The following ATP8A2 variants were observed in gnomAD, a reference collection of about 807,000 sequenced individuals.
ATP8A2 encodes phospholipid-transporting ATPase IB.
ATP8A2 carries 100 observed loss-of-function variants against 165.6 expected under a neutral mutation model. The observed-to-expected ratio is 0.60, with a 90% CI of 0.51 to 0.71. The LOEUF is 0.71. Ranked by LOEUF, ATP8A2 falls within the 30% of genes least tolerant of loss-of-function variation. The pLI is 0.00. For missense variants in ATP8A2, 1,227 were observed against 1,479.5 expected (o/e 0.83, Z 2.80); for synonymous variants, 543 against 548.8 (o/e 0.99, Z 0.15).
At chr13:25,699,957 A>G (rs1284100178) in intron 25 of ATP8A2, among the ~76,000 whole-genome samples, 1 of 152,116 alleles carries the variant, frequency 6.6e-6, no homozygotes. Flanking sequence ...TAAAGACAGT[A>G]AACCACTAGA....
At chr13:25,697,834 A>G (rs369126491) in intron 24 of ATP8A2, among the ~76,000 whole-genome samples, 2 of 152,248 alleles carry the variant, frequency 1.3e-5, no homozygotes, top group East Asian at 1.9e-4. Flanking sequence ...TCATCTGACC[A>G]CAATGCAGGG....
chr13:25,602,933 A>G (rs977732001), intron 24 of ATP8A2, among the ~76,000 whole-genome samples: 1 of 151,982 alleles, frequency 6.6e-6, no homozygotes, highest in African/African-American at 2.4e-5. Flanking sequence ...TTAGCCAGGC[A>G]TGGGGGGGTG....
At chr13:25,454,777 C>G (rs1484782559) in intron 1 of ATP8A2, among the ~76,000 whole-genome samples, 1 of 152,072 alleles carries the variant, frequency 6.6e-6, no homozygotes, top group East Asian at 1.9e-4. Context: ...CAAAAATTGG[C>G]CAGGCGTGAT....
At chr13:25,551,877 C>G in intron 11 of ATP8A2, among the ~76,000 whole-genome samples, 1 of 151,872 alleles carries the variant, frequency 6.6e-6, no homozygotes, top group Non-Finnish European at 1.5e-5. Flanking sequence ...TTGGTGCTGT[C>G]ATTGTTATAT....
chr13:25,396,339 A>T (rs931013750), intron 1 of ATP8A2, among the ~76,000 whole-genome samples: 2 of 152,186 alleles, frequency 1.3e-5, no homozygotes, highest in African/African-American at 4.8e-5. Context: ...AGAAAGAGGA[A>T]AAGTTAGAGT....
At chr13:25,675,929 C>T (rs2042363058) in intron 24 of ATP8A2, among the ~76,000 whole-genome samples, 2 of 152,136 alleles carry the variant, frequency 1.3e-5, no homozygotes, top group Admixed American at 1.3e-4. Context: ...ATTATTTTTA[C>T]AATCATATAT....
At chr13:25,959,818 T>G (rs916684288) in intron 33 of ATP8A2, among the ~76,000 whole-genome samples, 3 of 152,380 alleles carry the variant, frequency 2.0e-5, no homozygotes, top group African/African-American at 7.2e-5. Context: ...AGACTAGCAC[T>G]CTTGTGAATA....
chr13:25,716,536 G>A (rs902118496), intron 25 of ATP8A2, among the ~76,000 whole-genome samples: 1 of 152,070 alleles, frequency 6.6e-6, no homozygotes, highest in Admixed American at 6.5e-5. Context: ...TTTTGCACAT[G>A]GATATTCAGT....
chr13:25,572,397 C>T (rs1593559194), intron 18 of ATP8A2, among the ~76,000 whole-genome samples: 4 of 152,318 alleles, frequency 2.6e-5, no homozygotes, highest in Admixed American at 2.6e-4. Flanking sequence ...CCTTGGCCTC[C>T]CAAAGTGCTG....
chr13:25,986,729 T>C (rs1201175569), intron 35 of ATP8A2, among the ~76,000 whole-genome samples: 2 of 152,206 alleles, frequency 1.3e-5, no homozygotes, highest in Non-Finnish European at 2.9e-5. Context: ...TACCCGGGAC[T>C]AGGATTGCTG....
At position 25,411,400 on chromosome 13, in the gene ATP8A2, C is replaced by G. The variant is rs1436029258; in HGVS notation, c.76+39112C>G. 2.0e-5 allele frequency among the ~76,000 whole-genome samples: 3 copies of G among 152,202 alleles called. No homozygotes were observed. In the East Asian group the frequency reaches 5.8e-4, roughly 29 times the overall value. The stretch of plus-strand genomic sequence containing the variant: ...GTTTGCTTCATGGCTCCCAACTTAT[C>G]AGGTTACATGAGTTTTCACAAATCA... On this transcript the variant is annotated intron_variant, in intron 1 of 36. Transcript: ENST00000381655.
intron 2 of ATP8A2, among the ~76,000 whole-genome samples, chr13:25,515,480 C>T (rs1000414754): frequency 6.6e-6 from 1 of 152,266 alleles, no homozygotes; most frequent in South Asian, 2.1e-4. Flanking sequence ...GGCAGCCCCT[C>T]TTGTGGGCTT....
chr13:25,631,025 C>T (rs990953546), intron 24 of ATP8A2, among the ~76,000 whole-genome samples: 1 of 152,142 alleles, frequency 6.6e-6, no homozygotes, highest in Admixed American at 6.5e-5. Context: ...AGCTTAATTA[C>T]AGTATTTGCA....
intron 1 of ATP8A2, among the ~76,000 whole-genome samples, chr13:25,410,698 C>T (rs1447282668): frequency 2.0e-5 from 3 of 152,206 alleles, no homozygotes; most frequent in Non-Finnish European, 4.4e-5. Context: ...ATGGGATGGT[C>T]TGAAGATCAA....
chr13:25,932,352 G>A (rs1748101), intron 33 of ATP8A2, among the ~76,000 whole-genome samples: 1 of 152,040 alleles, frequency 6.6e-6, no homozygotes, highest in Admixed American at 6.5e-5. Context: ...TGTCTGTTTT[G>A]TCGCAGCTTC....
chr13:25,450,119 C>T (rs1045132022), intron 1 of ATP8A2, among the ~76,000 whole-genome samples: 4 of 152,176 alleles, frequency 2.6e-5, no homozygotes, highest in African/African-American at 7.2e-5. Flanking sequence ...AGGATAATGG[C>T]CTCAAGCTCT....
intron 34 of ATP8A2, among the ~76,000 whole-genome samples, chr13:25,964,408 A>G (rs771717818): frequency 6.6e-6 from 1 of 152,166 alleles, no homozygotes; most frequent in Non-Finnish European, 1.5e-5. Flanking sequence ...GTCTCATATT[A>G]TGCTCCAAAC....
chr13:25,592,762 T>C (rs1187414428), intron 24 of ATP8A2, among the ~76,000 whole-genome samples: 1 of 152,212 alleles, frequency 6.6e-6, no homozygotes, highest in Non-Finnish European at 1.5e-5. Flanking sequence ...GAACTTTAAC[T>C]CTACATACAC....
intron 1 of ATP8A2, among the ~76,000 whole-genome samples, chr13:25,438,224 C>G (rs917562439): frequency 1.3e-5 from 2 of 152,106 alleles, no homozygotes; most frequent in Non-Finnish European, 2.9e-5. Flanking sequence ...AGGAGCCTAC[C>G]TCTAAAAACC....
Sources: gnomAD v4.1 joint callset for allele counts (sites outside exome capture counted in the v4.1 genomes callset) on GRCh38, gnomAD v4.1.1 for gene constraint, MANE v1.5 for transcripts, NCBI Gene and HGNC (gene_info 2026-07-23, HGNC 2026-07-21) for gene names.